The following MSR1 variants were observed in gnomAD, a reference collection of about 807,000 sequenced individuals.
MSR1 encodes the protein macrophage scavenger receptor types I and II.
A neutral mutation model predicts 47.2 loss-of-function variants in MSR1; 53 were observed. The ratio of observed to expected loss-of-function variants is 1.12; its 90% CI spans 0.90 to 1.41. The LOEUF (loss-of-function observed/expected upper bound fraction) is 1.41. Ranked by LOEUF, MSR1 falls within the 40% of genes most tolerant of loss-of-function variation. The probability of loss-of-function intolerance (pLI) is 0.00; values close to 1 mark genes in which losing one functional copy is unlikely to be tolerated. For synonymous variants in MSR1, 239 were observed against 185.6 expected (o/e 1.29, Z -2.34); for missense variants, 786 against 546.9 (o/e 1.44, Z -4.36).
chr8:16,126,556 A>C (rs565673049), intron 8 of MSR1, among the ~76,000 whole-genome samples: 1 of 152,298 alleles, frequency 6.6e-6, no homozygotes, highest in African/African-American at 2.4e-5. Flanking sequence ...ATTTAAGATA[A>C]TTACCTTAAT....
intron 8 of MSR1, chr8:16,120,842 T>A: frequency 1.8e-6 from 1 of 559,348 alleles, no homozygotes; most frequent in East Asian, 3.1e-5. Context: ...CTGTCTTACA[T>A]GTAAGTTATA....
At chr8:16,178,643 C>A (rs765274295) in intron 1 of MSR1, among the ~76,000 whole-genome samples, 1 of 152,096 alleles carries the variant, frequency 6.6e-6, no homozygotes, top group Non-Finnish European at 1.5e-5. Context: ...CTGGGTCAAA[C>A]GGTATTTCTA....
intron 1 of MSR1, among the ~76,000 whole-genome samples, chr8:16,185,985 A>G (rs2117234622): frequency 6.6e-6 from 1 of 152,298 alleles, no homozygotes; most frequent in Non-Finnish European, 1.5e-5. Context: ...AGTCAGGGTC[A>G]TGGAAAAGAA....
Position 16,140,679 on chromosome 8 carries a change from A to T in MSR1, c.1033+2879T>A, listed in dbSNP as rs1341494451. 3.8e-6 allele frequency: 5 copies of T among 1,299,296 alleles called. No individual in the cohort carries two copies. The East Asian group carries it at 1.6e-4, about 41-fold the overall frequency. 80.5% of individuals were successfully genotyped at this position (1,299,296 alleles called of 1,614,324 possible). A position where few individuals can be genotyped will look rare whatever the true frequency, so the allele number is the denominator to read the frequency against. ...TAAATTGGGTTCAAGACTCTAGGTC[A>T]ATGGGTGGCAGAGAACTGAGGACTG... On this transcript the variant is annotated intron_variant, in intron 8 of 9. Coordinates refer to ENST00000262101, the MANE Select transcript of MSR1 (RefSeq NM_138715.3).
intron 1 of MSR1, among the ~76,000 whole-genome samples, chr8:16,189,538 AT>A (rs1304714810): frequency 1.4e-4 from 12 of 88,238 alleles, no homozygotes; most frequent in Non-Finnish European, 2.0e-4. Flanking sequence ...TTTTATATAT[AT>A]TTTATATATT....
chr8:16,129,074 G>T (rs1278020599), intron 8 of MSR1, among the ~76,000 whole-genome samples: 1 of 152,120 alleles, frequency 6.6e-6, no homozygotes, highest in Non-Finnish European at 1.5e-5. Flanking sequence ...AATAAGTTTT[G>T]CTGTAAATCA....
At chr8:16,163,578 A>C (rs351573) in intron 5 of MSR1, among the ~76,000 whole-genome samples, 1 of 151,414 alleles carries the variant, frequency 6.6e-6, no homozygotes, top group African/African-American at 2.4e-5. Flanking sequence ...TTTTATTTAT[A>C]TATATAAGTA....
At position 16,175,310 on chromosome 8, in the gene MSR1, C is replaced by T. The variant is rs541582800; in HGVS notation, c.104-10G>A. 418 of 1,599,504 alleles carry T rather than the reference C, an allele frequency of 2.6e-4. 4 individuals are homozygous for T. The South Asian group carries it at 4.3e-3, about 16-fold the overall frequency. ...GGGCTGTTTTTAGGATCTAATAAAA[C>T]AAAAAAGCCCAGCCTACTGTTAGAA... On this transcript the variant is annotated splice_polypyrimidine_tract_variant and intron_variant, in intron 2 of 9. Coordinates refer to ENST00000262101, the MANE Select transcript of MSR1 (RefSeq NM_138715.3).
chr8:16,131,316 C>T (rs1052647517), intron 8 of MSR1, among the ~76,000 whole-genome samples: 1 of 151,920 alleles, frequency 6.6e-6, no homozygotes, highest in East Asian at 1.9e-4. Flanking sequence ...TGTCCTTTGC[C>T]TATTTTTTGT....
chr8:16,119,061 G>A (rs1247543558), intron 9 of MSR1, among the ~76,000 whole-genome samples: 3 of 152,010 alleles, frequency 2.0e-5, no homozygotes, highest in African/African-American at 7.2e-5. Flanking sequence ...AACCTTTAGG[G>A]TGCAAGTTAA....
At chr8:16,172,322 T>A (rs930673124) in intron 3 of MSR1, among the ~76,000 whole-genome samples, 3 of 152,202 alleles carry the variant, frequency 2.0e-5, no homozygotes, top group African/African-American at 7.2e-5. Context: ...GAGGTGACAG[T>A]AAATGCTACA....
At chr8:16,133,419 C>A (rs184945901) in intron 8 of MSR1, among the ~76,000 whole-genome samples, 80 of 152,238 alleles carry the variant, frequency 5.3e-4, no homozygotes, top group African/African-American at 1.9e-3. Flanking sequence ...TTGAAACTCT[C>A]CCAAAAATTG....
chr8:16,116,650 C>T (rs910427360), intron 9 of MSR1, among the ~76,000 whole-genome samples: 6 of 150,044 alleles, frequency 4.0e-5, no homozygotes, highest in Non-Finnish European at 6.0e-5. Context: ...TCCTTTCTTA[C>T]CAGTTCTTTA....
intron 5 of MSR1, among the ~76,000 whole-genome samples, chr8:16,156,848 T>G (rs1339398566): frequency 6.6e-6 from 1 of 151,932 alleles, no homozygotes; most frequent in Non-Finnish European, 1.5e-5. Context: ...GATTTCTGTA[T>G]CAAAGGGAAT....
intron 3 of MSR1, among the ~76,000 whole-genome samples, chr8:16,172,276 G>A (rs1435338106): frequency 3.3e-5 from 5 of 152,128 alleles, no homozygotes; most frequent in South Asian, 2.1e-4. Flanking sequence ...AAGGTCATAT[G>A]ACCAACTATT....
intron 8 of MSR1, among the ~76,000 whole-genome samples, chr8:16,125,214 A>C (rs976782922): frequency 1.3e-5 from 2 of 152,150 alleles, no homozygotes; most frequent in African/African-American, 2.4e-5. Context: ...ATGTCAATTC[A>C]ATTTACAATG....
chr8:16,140,316 T>A, intron 8 of MSR1: 1 of 984,706 alleles, frequency 1.0e-6, no homozygotes, highest in Non-Finnish European at 1.2e-6. Flanking sequence ...CTTGACTCAG[T>A]CTTTACTTTG....
chr8:16,155,967 T>C lies in MSR1; in HGVS notation c.818-823A>G, dbSNP rs140162807. 9.2e-5 allele frequency among the ~76,000 whole-genome samples: 14 copies of C among 152,022 alleles called. No individual in the cohort carries two copies. In the East Asian group the frequency reaches 2.5e-3, roughly 27 times the overall value. ...ACAACCCTGATTTAGCCATTTGTAT[T>C]TTCTGTGTCCAGCAAAACAGATACC... On this transcript the variant is annotated intron_variant, in intron 5 of 9. Coordinates refer to ENST00000262101, the MANE Select transcript of MSR1 (RefSeq NM_138715.3).
intron 5 of MSR1, among the ~76,000 whole-genome samples, chr8:16,159,828 GAACCAGCA>G (rs1170761544): frequency 6.6e-6 from 1 of 151,886 alleles, no homozygotes; most frequent in Admixed American, 6.6e-5. Context: ...ACTATTGGTA[GAACCAGCA>G]AAGGCTTCAT....
Sources: gnomAD v4.1 joint callset for allele counts (sites outside exome capture counted in the v4.1 genomes callset) on GRCh38, gnomAD v4.1.1 for gene constraint, MANE v1.5 for transcripts, NCBI Gene and HGNC (gene_info 2026-07-23, HGNC 2026-07-21) for gene names.